DMD: variants seen among roughly 807,000 people sequenced by gnomAD.
DMD encodes dystrophin.
Under a neutral mutation model 330.1 loss-of-function variants are expected in DMD, and 63 were observed. That is an observed-to-expected ratio of 0.19 (90% confidence interval 0.16 to 0.24). The LOEUF is 0.24. Among genes scored for constraint, DMD ranks in the 10% least tolerant of loss-of-function variants. The pLI, the probability that DMD is intolerant of heterozygous loss-of-function variation, is 1.00. For synonymous variants in DMD, 1,223 were observed against 959.8 expected, an observed-to-expected ratio of 1.27 and a Z score of -5.07; for missense variants, 3,344 against 2,684.1, an observed-to-expected ratio of 1.25 and a Z score of -5.43.
intron 44 of DMD, among the ~76,000 whole-genome samples, chrX:32,042,072 CAT>C (rs1163309077): frequency 1.4e-5 from 1 of 70,448 alleles, no homozygotes; most frequent in Non-Finnish European, 2.7e-5. Context: ...TATATGTACA[CAT>C]ATATACACAC....
chrX:31,959,213 T>G (rs979512416), intron 45 of DMD, among the ~76,000 whole-genome samples: 1 of 111,813 alleles, frequency 8.9e-6, no homozygotes, highest in Non-Finnish European at 1.9e-5. Flanking sequence ...AAGGGACATA[T>G]GAGGATGCAA....
intron 13 of DMD, among the ~76,000 whole-genome samples, chrX:32,581,134 G>C (rs1052139516): frequency 2.7e-5 from 3 of 112,287 alleles, no homozygotes; most frequent in Non-Finnish European, 3.8e-5. Context: ...GCTCCAAAAG[G>C]TATCTTATTT....
At chrX:32,673,211 G>C (rs16990575) in intron 9 of DMD, among the ~76,000 whole-genome samples, 1,536 of 110,883 alleles carry the variant, frequency 0.014, 25 homozygotes, top group African/African-American at 0.048. Flanking sequence ...TGAATTATGA[G>C]AAGACAAGGA....
chrX:32,719,499 T>C (rs368811934), intron 7 of DMD, among the ~76,000 whole-genome samples: 11 of 111,788 alleles, frequency 9.8e-5, no homozygotes, highest in Middle Eastern at 4.7e-3. Flanking sequence ...CTTTGGGTCA[T>C]TGTACTAAAT....
intron 44 of DMD, among the ~76,000 whole-genome samples, chrX:32,106,721 T>G (rs938034838): frequency 1.8e-5 from 2 of 111,852 alleles, no homozygotes; most frequent in Non-Finnish European, 3.8e-5. Flanking sequence ...TCCCAGTCAT[T>G]TCTCTACATA....
chrX:32,167,252 T>C (rs2096871679), intron 44 of DMD, among the ~76,000 whole-genome samples: 1 of 112,693 alleles, frequency 8.9e-6, no homozygotes, highest in Non-Finnish European at 1.9e-5. Flanking sequence ...GTTTTAACTC[T>C]GCACGTTGTA....
chrX:32,754,462 T>C (rs181797156), intron 7 of DMD, among the ~76,000 whole-genome samples: 196 of 110,132 alleles, frequency 1.8e-3, no homozygotes, highest in African/African-American at 6.2e-3. Context: ...CTCTGCCAAC[T>C]CTGTCATATA....
At chrX:32,213,627 C>A (rs936807296) in intron 44 of DMD, among the ~76,000 whole-genome samples, 1 of 111,660 alleles carries the variant, frequency 9.0e-6, no homozygotes, top group Non-Finnish European at 1.9e-5. Flanking sequence ...AATGATTTTT[C>A]TTATCTCATC....
At chrX:31,782,497 T>TA (rs1209369781) in intron 50 of DMD, among the ~76,000 whole-genome samples, 1 of 110,289 alleles carries the variant, frequency 9.1e-6, no homozygotes, top group African/African-American at 3.3e-5. Flanking sequence ...GGTCATCAAC[T>TA]ACCAGCTGAC....
chrX:32,715,083 G>T (rs912246004), intron 7 of DMD, among the ~76,000 whole-genome samples: 10 of 111,197 alleles, frequency 9.0e-5, no homozygotes, highest in Non-Finnish European at 1.1e-4. Flanking sequence ...TATAGACTTT[G>T]ACCTACATCT....
chrX:32,593,682 C>A (rs760319928), intron 13 of DMD, among the ~76,000 whole-genome samples: 2 of 111,671 alleles, frequency 1.8e-5, no homozygotes, highest in Admixed American at 1.9e-4. Flanking sequence ...AAGAACATAA[C>A]GAGTACTTGT....
At chrX:32,083,667 A>G (rs1421057540) in intron 44 of DMD, among the ~76,000 whole-genome samples, 3 of 112,675 alleles carry the variant, frequency 2.7e-5, no homozygotes, top group African/African-American at 9.7e-5. Context: ...AATAACAGGG[A>G]AGTGCCACAA....
chrX:32,975,023 G>A (rs2092498170), intron 2 of DMD, among the ~76,000 whole-genome samples: 1 of 111,917 alleles, frequency 8.9e-6, no homozygotes, highest in Non-Finnish European at 1.9e-5. Context: ...GTTTTCAAGA[G>A]CCATCTATAA....
At chrX:31,745,177 GA>G (rs927352175) in intron 51 of DMD, among the ~76,000 whole-genome samples, 1 of 111,639 alleles carries the variant, frequency 9.0e-6, no homozygotes, top group African/African-American at 3.3e-5. Context: ...ATGGGAGAAG[GA>G]ATTTCAGGAC....
chrX:31,721,569 G>A (rs2085477638), intron 52 of DMD, among the ~76,000 whole-genome samples: 1 of 99,741 alleles, frequency 1.0e-5, no homozygotes. Context: ...ACAATCATAT[G>A]AGTTAATGGC....
intron 44 of DMD, among the ~76,000 whole-genome samples, chrX:32,197,815 C>G (rs1034886782): frequency 1.8e-5 from 2 of 111,268 alleles, no homozygotes; most frequent in African/African-American, 3.3e-5. Context: ...ATATGCATTA[C>G]CTCACATACT....
chrX:32,332,943 A>G (rs2097688249), intron 41 of DMD, among the ~76,000 whole-genome samples: 1 of 109,957 alleles, frequency 9.1e-6, no homozygotes, highest in African/African-American at 3.3e-5. Flanking sequence ...TGAAAACAGC[A>G]AGACATATAT....
intron 60 of DMD, among the ~76,000 whole-genome samples, chrX:31,399,811 A>G (rs1329125872): frequency 9.0e-6 from 1 of 111,691 alleles, no homozygotes; most frequent in Non-Finnish European, 1.9e-5. Context: ...AGTCACTGAG[A>G]AAGGACTGAG....
chrX:31,815,509 C>A (rs2092601356), intron 50 of DMD, among the ~76,000 whole-genome samples: 1 of 110,813 alleles, frequency 9.0e-6, no homozygotes, highest in African/African-American at 3.3e-5. Flanking sequence ...ATCAGAAACT[C>A]TGGGGTTGAA....
Sources: gnomAD v4.1 joint callset for allele counts (sites outside exome capture counted in the v4.1 genomes callset) on GRCh38, gnomAD v4.1.1 for gene constraint, MANE v1.5 for transcripts, NCBI Gene and HGNC (gene_info 2026-07-23, HGNC 2026-07-21) for gene names.